Variants in DLGAP2 observed in about 807,000 individuals in gnomAD.
The protein encoded by DLGAP2 is disks large-associated protein 2.
A neutral mutation model predicts 100.3 loss-of-function variants in DLGAP2; 26 were observed. That is an observed-to-expected ratio of 0.26 (90% confidence interval 0.19 to 0.36). DLGAP2 has a LOEUF of 0.36. Among genes scored for constraint, DLGAP2 ranks in the 10% least tolerant of loss-of-function variants. DLGAP2 has a pLI of 1.00. For missense variants in DLGAP2, 1,858 were observed against 1,453.2 expected (o/e 1.28, Z -4.53); for synonymous variants, 886 against 630.1 (o/e 1.41, Z -6.08).
At chr8:751,646 A>G (rs1820792811) in intron 1 of DLGAP2, among the ~76,000 whole-genome samples, 1 of 151,920 alleles carries the variant, frequency 6.6e-6, no homozygotes. Context: ...TTCATCTGAC[A>G]CTTTATAGTA....
intron 2 of DLGAP2, among the ~76,000 whole-genome samples, chr8:1,101,204 C>T (rs910270110): frequency 1.3e-5 from 2 of 152,160 alleles, no homozygotes; most frequent in Non-Finnish European, 2.9e-5. Flanking sequence ...CCTGGGGGAT[C>T]TGGAAGAACT....
At chr8:1,301,130 G>T (rs1227055429) in intron 3 of DLGAP2, 1 of 152,358 alleles carries the variant, frequency 6.6e-6, no homozygotes, top group Non-Finnish European at 1.5e-5. Flanking sequence ...CTCATAGGCA[G>T]CGTGGCTGTG....
intron 1 of DLGAP2, among the ~76,000 whole-genome samples, chr8:761,441 A>G (rs1032424152): frequency 1.3e-5 from 2 of 152,234 alleles, no homozygotes; most frequent in African/African-American, 2.4e-5. Context: ...CTCTAACGTT[A>G]TTCACGTAAT....
intron 1 of DLGAP2, among the ~76,000 whole-genome samples, chr8:833,941 G>A (rs1796826400): frequency 6.6e-6 from 1 of 152,312 alleles, no homozygotes; most frequent in African/African-American, 2.4e-5. Context: ...TGGAGCTGGT[G>A]GCTCCTCAGT....
intron 3 of DLGAP2, among the ~76,000 whole-genome samples, chr8:1,262,747 A>G (rs932321355): frequency 6.6e-6 from 1 of 152,260 alleles, no homozygotes; most frequent in Admixed American, 6.5e-5. Context: ...CGTGTGCGAT[A>G]TAATCTGTCA....
intron 7 of DLGAP2, among the ~76,000 whole-genome samples, chr8:1,627,487 A>C (rs1282255669): frequency 3.9e-5 from 6 of 152,386 alleles, no homozygotes; most frequent in African/African-American, 1.4e-4. Flanking sequence ...GACGGGCCTG[A>C]GAACGCACAG....
chr8:1,187,408 A>T (rs1184003747), intron 2 of DLGAP2, among the ~76,000 whole-genome samples: 12 of 133,174 alleles, frequency 9.0e-5, no homozygotes, highest in African/African-American at 3.8e-4. Flanking sequence ...ACGGAATGTC[A>T]CACGCCCGGG....
intron 1 of DLGAP2, among the ~76,000 whole-genome samples, chr8:811,362 A>G (rs1378115901): frequency 3.9e-4 from 50 of 127,068 alleles, no homozygotes; most frequent in African/African-American, 1.5e-3. Context: ...GCTCCCATCA[A>G]CCTTGGAATG....
intron 2 of DLGAP2, among the ~76,000 whole-genome samples, chr8:1,243,393 G>A (rs183391347): frequency 2.6e-4 from 40 of 152,272 alleles, no homozygotes; most frequent in African/African-American, 8.4e-4. Context: ...GGTGAGCGAC[G>A]GTCATTCCTC....
Position 1,376,642 on chromosome 8 carries a change from CA to C in DLGAP2, c.106+117761del, listed in dbSNP as rs1802395430. Reference sequence around the variant, plus strand: ...GGGACGTGCCAGCTCACAGGGCTGCCAAGACCCTCACTCTGACCCCGGTGGG... The same window carrying C: ...GGGACGTGCCAGCTCACAGGGCTGCCAGACCCTCACTCTGACCCCGGTGGG... On this transcript the variant is annotated intron_variant, in intron 3 of 14. Transcript: ENST00000637795. 2.0e-5 allele frequency among the ~76,000 whole-genome samples: 3 copies of C among 152,076 alleles called. No homozygotes were observed. The East Asian group carries it at 5.8e-4, about 29-fold the overall frequency.
chr8:1,296,652 T>G (rs1038654366), intron 3 of DLGAP2, among the ~76,000 whole-genome samples: 1 of 152,232 alleles, frequency 6.6e-6, no homozygotes, highest in African/African-American at 2.4e-5. Context: ...CGTGGAATTT[T>G]GGCAAATCCT....
intron 1 of DLGAP2, among the ~76,000 whole-genome samples, chr8:742,649 G>A (rs906303251): frequency 4.6e-5 from 7 of 151,992 alleles, no homozygotes; most frequent in African/African-American, 1.7e-4. Flanking sequence ...GTTGGTGTAT[G>A]TCACCGCACC....
chr8:1,526,995 G>A (rs901882516), intron 4 of DLGAP2, among the ~76,000 whole-genome samples: 2 of 152,076 alleles, frequency 1.3e-5, no homozygotes, highest in Non-Finnish European at 1.5e-5. Context: ...AAGCCCACCC[G>A]TTACCACGAC....
intron 4 of DLGAP2, among the ~76,000 whole-genome samples, chr8:1,528,314 C>G (rs1288894615): frequency 6.6e-6 from 1 of 152,230 alleles, no homozygotes; most frequent in Non-Finnish European, 1.5e-5. Flanking sequence ...AGCCCACGAA[C>G]ACTCCTGGCT....
intron 3 of DLGAP2, among the ~76,000 whole-genome samples, chr8:1,445,282 T>C (rs6651436): frequency 0.99 from 131,514 of 132,412 alleles, 65,313 homozygotes; most frequent in East Asian, 1. Context: ...TGTTCCCCTT[T>C]CTGTGTCCAA....
In DLGAP2 at chr8:1,287,281, TG is replaced by T. The variant is rs780176040; in HGVS notation, c.106+28400del. On this transcript the variant is annotated intron_variant, in intron 3 of 14. Coordinates refer to ENST00000637795, the MANE Select transcript of DLGAP2 (RefSeq NM_001346810.2). ...TTAGTTCAGCGTGTGTGTGTGTGTG[TG>T]GTTGTTAGGAGGGGAACTAGTTTCG... Among the ~76,000 whole-genome samples, 161 of 39,930 alleles carry T rather than the reference TG, an allele frequency of 4.0e-3. 14 individuals carry two copies. Among genetic ancestry groups the T allele is most frequent in the South Asian group, 0.02 (26 of 1,330 alleles). 26.2% of individuals were successfully genotyped at this position (39,930 alleles called of 152,430 possible).
intron 6 of DLGAP2, 54 bp downstream of exon 6, chr8:1,565,948 C>G: frequency 6.8e-7 from 1 of 1,475,242 alleles, no homozygotes; most frequent in Non-Finnish European, 9.1e-7. Context: ...TGCCTGCGAG[C>G]TCCCTCTCCA....
intron 6 of DLGAP2, among the ~76,000 whole-genome samples, chr8:1,568,359 C>T (rs1802499115): frequency 2.5e-5 from 2 of 79,220 alleles, no homozygotes; most frequent in African/African-American, 1.0e-4. Flanking sequence ...GGCCCCCATG[C>T]CACTGTCCAC....
chr8:1,695,192 G>T (rs1195392023), intron 13 of DLGAP2, among the ~76,000 whole-genome samples: 1 of 150,926 alleles, frequency 6.6e-6, no homozygotes, highest in Non-Finnish European at 1.5e-5. Flanking sequence ...CACACCATCA[G>T]GCACAGCCGT....
Sources: allele counts gnomAD v4.1 joint callset (sites outside exome capture counted in the v4.1 genomes callset), GRCh38; gene constraint gnomAD v4.1.1; transcripts MANE v1.5; gene names NCBI Gene and HGNC (gene_info 2026-07-23, HGNC 2026-07-21).